SPIDR: variants seen among roughly 807,000 people sequenced by gnomAD.
SPIDR encodes the protein scaffold protein involved in DNA repair, also known as DNA repair-scaffolding protein.
SPIDR carries 93 observed loss-of-function variants against 104.6 expected under a neutral mutation model. The observed-to-expected ratio is 0.89, with a 90% CI of 0.75 to 1.06. SPIDR has a LOEUF of 1.06. SPIDR is among the 50% of genes least tolerant of loss of function. The probability of loss-of-function intolerance (pLI) is 0.00; values close to 1 mark genes in which losing one functional copy is unlikely to be tolerated. For synonymous variants in SPIDR, 431 were observed against 416.9 expected (o/e 1.03, Z -0.41); for missense variants, 1,154 against 1,111.2 (o/e 1.04, Z -0.55).
intron 5 of SPIDR, among the ~76,000 whole-genome samples, chr8:47,300,205 C>G (rs1563527848): frequency 6.6e-6 from 1 of 152,052 alleles, no homozygotes; most frequent in Non-Finnish European, 1.5e-5. Context: ...CAGGAATTTA[C>G]CCGTTTCTCC....
Position 47,489,506 on chromosome 8 carries a change from A to T in SPIDR, c.1097+48964A>T, listed in dbSNP as rs542599643. ...TCACAGAATTGGAAAAAAATTCTTTAAAGTTCCTATGGAACCAAAAAAGAG... is the reference window on the plus strand; with the variant it reads ...TCACAGAATTGGAAAAAAATTCTTTTAAGTTCCTATGGAACCAAAAAAGAG... On this transcript the variant is annotated intron_variant, in intron 8 of 19. Transcript: ENST00000297423. Among the ~76,000 whole-genome samples, 11 of 152,348 alleles carry T rather than the reference A, an allele frequency of 7.2e-5. No individual in the cohort carries two copies. The East Asian group carries it at 1.7e-3, about 24-fold the overall frequency.
At chr8:47,352,074 C>T (rs897386298) in intron 5 of SPIDR, among the ~76,000 whole-genome samples, 5 of 151,934 alleles carry the variant, frequency 3.3e-5, no homozygotes, top group Non-Finnish European at 7.4e-5. Flanking sequence ...GTCAAGAGAT[C>T]GAGACTATCC....
chr8:47,728,258 T>G (rs2084618484), intron 17 of SPIDR, among the ~76,000 whole-genome samples: 1 of 149,620 alleles, frequency 6.7e-6, no homozygotes, highest in South Asian at 2.1e-4. Context: ...AAACCCCATC[T>G]CTATTATTAA....
chr8:47,284,134 A>G (rs1274273832), intron 3 of SPIDR, 40 bp downstream of exon 3: 60 of 1,490,360 alleles, frequency 4.0e-5, no homozygotes, highest in Non-Finnish European at 5.5e-5. Flanking sequence ...AAGATATAAG[A>G]CTAATAAATC....
chr8:47,287,714 T>G (rs982876360), intron 3 of SPIDR, among the ~76,000 whole-genome samples: 6 of 152,242 alleles, frequency 3.9e-5, no homozygotes, highest in Non-Finnish European at 7.3e-5. Context: ...ACCTTATGGT[T>G]GTTTTCCCTT....
intron 8 of SPIDR, among the ~76,000 whole-genome samples, chr8:47,478,054 G>A (rs2076478202): frequency 6.6e-6 from 1 of 152,228 alleles, no homozygotes; most frequent in African/African-American, 2.4e-5. Flanking sequence ...TGAAGCTAGA[G>A]TGCTAGCAGC....
chr8:47,553,058 A>G (rs2090801542), intron 8 of SPIDR, among the ~76,000 whole-genome samples: 1 of 152,158 alleles, frequency 6.6e-6, no homozygotes, highest in African/African-American at 2.4e-5. Context: ...TGGGTTGAAA[A>G]TTCTTTTCTT....
chr8:47,426,476 CATT>C (rs2066438937), intron 7 of SPIDR, among the ~76,000 whole-genome samples: 2 of 151,890 alleles, frequency 1.3e-5, no homozygotes, highest in South Asian at 2.1e-4. Flanking sequence ...AGATTATCAT[CATT>C]GATAGAACTG....
chr8:47,282,850 TTTTTTC>T (rs1366987298), intron 2 of SPIDR, among the ~76,000 whole-genome samples: 26 of 151,964 alleles, frequency 1.7e-4, no homozygotes, highest in Non-Finnish European at 2.9e-5. Flanking sequence ...TTCCAGCTTC[TTTTTTC>T]TTTTTCTTTT....
intron 5 of SPIDR, among the ~76,000 whole-genome samples, chr8:47,380,495 C>A (rs1330679238): frequency 6.6e-6 from 1 of 152,114 alleles, no homozygotes; most frequent in Non-Finnish European, 1.5e-5. Context: ...ACCCTCCACT[C>A]CTGCTTGGTG....
intron 8 of SPIDR, among the ~76,000 whole-genome samples, chr8:47,466,920 G>T (rs184638488): frequency 0.023 from 2,309 of 101,370 alleles, 60 homozygotes; most frequent in East Asian, 0.063. Flanking sequence ...TATATAGATA[G>T]ATAGATAGAT....
At chr8:47,611,614 C>T (rs558007923) in intron 10 of SPIDR, among the ~76,000 whole-genome samples, 90 of 152,016 alleles carry the variant, frequency 5.9e-4, no homozygotes, top group African/African-American at 2.1e-3. Context: ...AGGAGAGTGG[C>T]GTCAACCCAG....
intron 5 of SPIDR, among the ~76,000 whole-genome samples, chr8:47,374,912 C>G (rs2058467039): frequency 6.6e-6 from 1 of 152,126 alleles, no homozygotes; most frequent in African/African-American, 2.4e-5. Flanking sequence ...AAAAATTAGC[C>G]AAGTGTGGTG....
At chr8:47,407,038 A>G (rs2062851819) in intron 6 of SPIDR, among the ~76,000 whole-genome samples, 1 of 152,194 alleles carries the variant, frequency 6.6e-6, no homozygotes. Context: ...ATTTTTCTTG[A>G]AATTATAGTT....
At chr8:47,308,322 C>T (rs2043478411) in intron 5 of SPIDR, among the ~76,000 whole-genome samples, 1 of 151,714 alleles carries the variant, frequency 6.6e-6, no homozygotes, top group Non-Finnish European at 1.5e-5. Context: ...CTCAGCCTCC[C>T]AAAGTGCTGA....
At chr8:47,393,295 A>G (rs919184144) in intron 5 of SPIDR, among the ~76,000 whole-genome samples, 1 of 151,726 alleles carries the variant, frequency 6.6e-6, no homozygotes, top group African/African-American at 2.4e-5. Context: ...TTTTCAGTCC[A>G]CCTCTCTATT....
chr8:47,506,142 C>T (rs886653757), intron 8 of SPIDR, among the ~76,000 whole-genome samples: 12 of 152,214 alleles, frequency 7.9e-5, no homozygotes, highest in Admixed American at 3.9e-4. Flanking sequence ...AGAATCCAGG[C>T]GAGGCTTTCT....
In SPIDR at chr8:47,339,209, C is replaced by G. The variant is rs191992042; in HGVS notation, c.525+45179C>G. On this transcript the variant is annotated intron_variant, in intron 5 of 19. Transcript: ENST00000297423. The stretch of plus-strand genomic sequence containing the variant: ...TTTTGGAAGTTTAGCGATTTTCTGC[C>G]TTTTTTAGAAAAAACAAACTGAAAA... 6.8e-4 allele frequency among the ~76,000 whole-genome samples: 104 copies of G among 152,198 alleles called. 1 individual carries two copies. The East Asian group carries it at 0.018, about 27-fold the overall frequency.
At chr8:47,562,214 G>A (rs1057222182) in intron 8 of SPIDR, among the ~76,000 whole-genome samples, 3 of 152,146 alleles carry the variant, frequency 2.0e-5, no homozygotes, top group Admixed American at 2.0e-4. Flanking sequence ...TTCCTTGGAT[G>A]GTATTTGTGA....
Sources: gnomAD v4.1 joint callset for allele counts (sites outside exome capture counted in the v4.1 genomes callset) on GRCh38, gnomAD v4.1.1 for gene constraint, MANE v1.5 for transcripts, NCBI Gene and HGNC (gene_info 2026-07-23, HGNC 2026-07-21) for gene names.